The following CCDC171 variants were observed in gnomAD, a reference collection of about 807,000 sequenced individuals.
CCDC171 encodes the protein coiled-coil domain containing 171, also known as coiled-coil domain-containing protein 171.
CCDC171 carries 177 observed loss-of-function variants against 168.2 expected under a neutral mutation model. That is an observed-to-expected ratio of 1.05 (90% CI 0.93 to 1.19). The LOEUF is 1.19. CCDC171 is among the 50% of genes most tolerant of loss of function. The pLI, the probability that CCDC171 is intolerant of heterozygous loss-of-function variation, is 0.00. For missense variants in CCDC171, 1,991 were observed against 1,539.0 expected (o/e 1.29, Z -4.91); for synonymous variants, 687 against 540.8 (o/e 1.27, Z -3.75).
At chr9:16,104,513 C>T in the CCDC171 span, among the ~76,000 whole-genome samples, 1 of 152,148 alleles carries the variant, frequency 6.6e-6, no homozygotes, top group Admixed American at 6.5e-5. Flanking sequence ...AACACCTTCA[C>T]CTATTGACTG....
chr9:15,800,798 G>C (rs932391998), intron 21 of CCDC171, among the ~76,000 whole-genome samples: 2 of 151,728 alleles, frequency 1.3e-5, no homozygotes, highest in African/African-American at 4.8e-5. Flanking sequence ...TGTATGACAA[G>C]AGATAAGGGT....
chr9:15,610,651 G>C (rs1192426213), intron 6 of CCDC171, among the ~76,000 whole-genome samples: 1 of 150,868 alleles, frequency 6.6e-6, no homozygotes, highest in Non-Finnish European at 1.5e-5. Context: ...AAAACCTCCT[G>C]GTCCCAAGCC....
chr9:15,648,488 T>A (rs2047227749), intron 7 of CCDC171, among the ~76,000 whole-genome samples: 1 of 152,186 alleles, frequency 6.6e-6, no homozygotes, highest in Non-Finnish European at 1.5e-5. Context: ...TGATTGTATA[T>A]TTAGAAAACC....
intron 25 of CCDC171, among the ~76,000 whole-genome samples, chr9:15,962,334 T>G (rs1449727906): frequency 6.6e-6 from 1 of 152,190 alleles, no homozygotes; most frequent in East Asian, 1.9e-4. Flanking sequence ...ATAGCCTACT[T>G]AACTATGCTT....
Position 15,633,816 on chromosome 9 carries a change from G to C in CCDC171, c.822+10403G>C, listed in dbSNP as rs946438798. On this transcript the variant is annotated intron_variant, in intron 7 of 25. Coordinates refer to ENST00000380701, the MANE Select transcript of CCDC171 (RefSeq NM_173550.4). ...TAGACTGGATTAAGAAAATGTGGCA[G>C]ATATACACCATGGAATAGTATGCAG... Among the ~76,000 whole-genome samples, 35 of 152,248 alleles carry C rather than the reference G, an allele frequency of 2.3e-4. 1 individual carries two copies. Among genetic ancestry groups the C allele is most frequent in the South Asian group, 2.1e-3 (10 of 4,824 alleles).
intron 21 of CCDC171, among the ~76,000 whole-genome samples, chr9:15,843,585 A>G (rs1040748245): frequency 7.9e-5 from 12 of 152,096 alleles, no homozygotes; most frequent in Admixed American, 7.2e-4. Flanking sequence ...ACACAATTAC[A>G]GAGCTGTATG....
intron 21 of CCDC171, among the ~76,000 whole-genome samples, chr9:15,799,695 A>G (rs564119731): frequency 7.2e-5 from 11 of 152,034 alleles, no homozygotes; most frequent in Non-Finnish European, 1.2e-4. Flanking sequence ...TTGTGCCGTC[A>G]AATACTAGGA....
intron 2 of CCDC171, 82 bp downstream of exon 2, chr9:15,564,211 C>G (rs1029543700): frequency 6.4e-5 from 64 of 1,001,106 alleles, no homozygotes; most frequent in Non-Finnish European, 8.7e-5. Flanking sequence ...GTAGAGCTAA[C>G]TGTAAGAATT....
At chr9:15,581,309 C>T (rs1034433884) in intron 4 of CCDC171, among the ~76,000 whole-genome samples, 5 of 151,986 alleles carry the variant, frequency 3.3e-5, no homozygotes, top group Non-Finnish European at 5.9e-5. Flanking sequence ...AAATACTTCA[C>T]GCTCATGGAT....
intron 6 of CCDC171, among the ~76,000 whole-genome samples, chr9:15,617,836 G>T (rs1177494881): frequency 6.6e-6 from 1 of 152,176 alleles, no homozygotes; most frequent in Non-Finnish European, 1.5e-5. Flanking sequence ...ACTAGTGGAG[G>T]CTGGAGAACA....
rs1195914001 is a variant in CCDC171 at position 15,957,588 on chromosome 9, C to T, written c.3754-14021C>T. Among the ~76,000 whole-genome samples, 3 of 152,282 alleles carry T rather than the reference C, an allele frequency of 2.0e-5. No individual in the cohort carries two copies. In the East Asian group the frequency reaches 5.8e-4, roughly 29 times the overall value. On this transcript the variant is annotated intron_variant, in intron 25 of 25. Coordinates refer to ENST00000380701, the MANE Select transcript of CCDC171 (RefSeq NM_173550.4). ...TGTAAATTCCCTCTTTTCCCCTTTT[C>T]TGCCCAAGCAGATAGACATTCAACT... is the stretch of plus-strand genomic sequence containing the variant.
At chr9:16,080,553 C>A in the CCDC171 span, among the ~76,000 whole-genome samples, 1 of 152,196 alleles carries the variant, frequency 6.6e-6, no homozygotes, top group Non-Finnish European at 1.5e-5. Context: ...ATTAAATCTC[C>A]TTCTCTGTGA....
At chr9:15,952,016 G>C (rs1223073562) in intron 25 of CCDC171, among the ~76,000 whole-genome samples, 1 of 152,096 alleles carries the variant, frequency 6.6e-6, no homozygotes, top group African/African-American at 2.4e-5. Context: ...TTAGGTCCTT[G>C]ATCCATTTTG....
intron 18 of CCDC171, among the ~76,000 whole-genome samples, chr9:15,755,925 A>G (rs930426508): frequency 2.0e-5 from 3 of 152,232 alleles, no homozygotes; most frequent in Admixed American, 2.0e-4. Flanking sequence ...ATTGATTTGT[A>G]TACTTTAAAT....
intron 16 of CCDC171, among the ~76,000 whole-genome samples, chr9:15,735,838 A>G (rs1045121532): frequency 2.0e-5 from 3 of 152,208 alleles, no homozygotes; most frequent in African/African-American, 4.8e-5. Context: ...GTCCATGGGA[A>G]TGGATACCTC....
chr9:15,973,773 A>T lies in CCDC171; in HGVS notation c.*1937A>T, dbSNP rs1194144920. On this transcript the variant is annotated 3_prime_UTR_variant, in exon 26 of 26. Coordinates refer to ENST00000380701, the MANE Select transcript of CCDC171 (RefSeq NM_173550.4). ...AATGATTAGGATATTGTTCATACAG[A>T]AATTGATAGACAATTTTTTAGTTCA... 6.6e-6 allele frequency: 1 copy of T among 152,172 alleles called. No homozygotes were observed. Among genetic ancestry groups the T allele is most frequent in the Non-Finnish European group, 1.5e-5 (1 of 68,012 alleles). The allele number at this position is 152,172 out of a possible 1,614,324, so 9.4% of individuals were successfully genotyped here.
At chr9:16,027,956 T>A (rs947593270) in intron 6 of CCDC171, among the ~76,000 whole-genome samples, 1 of 152,196 alleles carries the variant, frequency 6.6e-6, no homozygotes, top group African/African-American at 2.4e-5. Context: ...AGCTGCTTCC[T>A]GTATCACTAG....
At chr9:15,577,645 A>G (rs1563972799) in intron 3 of CCDC171, among the ~76,000 whole-genome samples, 1 of 152,246 alleles carries the variant, frequency 6.6e-6, no homozygotes, top group Non-Finnish European at 1.5e-5. Flanking sequence ...TCTAAGTCTT[A>G]AAACAAAGGG....
At chr9:15,863,200 G>C (rs2061633049) in intron 23 of CCDC171, among the ~76,000 whole-genome samples, 1 of 152,034 alleles carries the variant, frequency 6.6e-6, no homozygotes, top group Non-Finnish European at 1.5e-5. Flanking sequence ...CTCATAAAAA[G>C]TTGGGAGCTG....
Sources: allele counts gnomAD v4.1 joint callset (sites outside exome capture counted in the v4.1 genomes callset), GRCh38; gene constraint gnomAD v4.1.1; transcripts MANE v1.5; gene names NCBI Gene and HGNC (gene_info 2026-07-23, HGNC 2026-07-21).